Variants in AGBL4 observed in about 807,000 individuals in gnomAD.
AGBL4 encodes the protein cytosolic carboxypeptidase 6.
In AGBL4, 58 loss-of-function variants were observed where a neutral mutation model predicts 66.4. The observed-to-expected ratio is 0.87, with a 90% confidence interval of 0.71 to 1.09. The LOEUF (loss-of-function observed/expected upper bound fraction) is 1.09. Among genes scored for constraint, AGBL4 ranks in the 50% least tolerant of loss-of-function variants. The pLI is 0.00. For synonymous variants in AGBL4, 234 were observed against 222.9 expected, an observed-to-expected ratio of 1.05 and a Z score of -0.44; for missense variants, 579 against 631.0, an observed-to-expected ratio of 0.92 and a Z score of 0.88.
chr1:48,875,183 T>C (rs1649099926), intron 5 of AGBL4, among the ~76,000 whole-genome samples: 1 of 152,124 alleles, frequency 6.6e-6, no homozygotes, highest in African/African-American at 2.4e-5. Flanking sequence ...ATTTTAATTG[T>C]GGTAAGTGCT....
In AGBL4 at chr1:48,759,474, T is replaced by C. The variant is rs1644138696; in HGVS notation, c.635-96233A>G. 34 of 1,168,486 alleles carry C rather than the reference T, an allele frequency of 2.9e-5. 1 individual carries two copies. The South Asian group carries it at 5.2e-4, about 18-fold the overall frequency. The allele number at this position is 1,168,486 out of a possible 1,614,324, so 72.4% of individuals were successfully genotyped here. On this transcript the variant is annotated intron_variant, in intron 6 of 13. Coordinates refer to ENST00000371839, the MANE Select transcript of AGBL4 (RefSeq NM_032785.4). ...GGAAACATTTTATAAATTTTATAAATGGGGTTCCGAGTGGGGAAGGGGCTT... is the reference window on the plus strand; with the variant it reads ...GGAAACATTTTATAAATTTTATAAACGGGGTTCCGAGTGGGGAAGGGGCTT...
intron 6 of AGBL4, among the ~76,000 whole-genome samples, chr1:48,830,509 G>A (rs1341680408): frequency 6.6e-6 from 1 of 152,202 alleles, no homozygotes; most frequent in African/African-American, 2.4e-5. Context: ...TTGAGGTCAG[G>A]GGACCAATTC....
chr1:49,878,892 T>C (rs1647117967), intron 1 of AGBL4, among the ~76,000 whole-genome samples: 1 of 110,116 alleles, frequency 9.1e-6, no homozygotes, highest in African/African-American at 3.7e-5. Context: ...TCTTGTTGAA[T>C]TGATCCCTTT....
intron 6 of AGBL4, among the ~76,000 whole-genome samples, chr1:48,788,895 G>A (rs541851680): frequency 2.0e-5 from 3 of 152,272 alleles, no homozygotes; most frequent in Non-Finnish European, 4.4e-5. Flanking sequence ...AAAATGAAAC[G>A]CATATTTTAG....
intron 3 of AGBL4, among the ~76,000 whole-genome samples, chr1:49,350,352 C>T (rs1363806226): frequency 6.6e-6 from 1 of 151,232 alleles, no homozygotes; most frequent in East Asian, 1.9e-4. Context: ...TACAGGCGCC[C>T]GCCACTACGC....
intron 5 of AGBL4, among the ~76,000 whole-genome samples, chr1:48,948,456 CT>C (rs1223452395): frequency 6.6e-6 from 1 of 152,216 alleles, no homozygotes; most frequent in South Asian, 2.1e-4. Flanking sequence ...TTGCCATCTG[CT>C]TTCAGATTTC....
intron 3 of AGBL4, among the ~76,000 whole-genome samples, chr1:49,656,437 G>C (rs369815560): frequency 6.6e-6 from 1 of 152,124 alleles, no homozygotes; most frequent in Non-Finnish European, 1.5e-5. Flanking sequence ...ACAAGGAGGA[G>C]CTGGTACCAT....
rs569130924 is a variant in AGBL4, at chr1:49,939,226, T to G, written c.34+84537A>C. Among the ~76,000 whole-genome samples the G allele has an allele frequency of 4.2e-4, 63 of 150,784 alleles. No individual in the cohort carries two copies. In the South Asian group the frequency reaches 0.01, roughly 25 times the overall value. ...GAGGATACAAACAAATGGAAGAACA[T>G]TCCATGCTCATGGGTAGGAAGAATC... On this transcript the variant is annotated intron_variant, in intron 1 of 13. Coordinates refer to ENST00000371839, the MANE Select transcript of AGBL4 (RefSeq NM_032785.4).
At chr1:48,920,229 T>C (rs1653967030) in intron 5 of AGBL4, among the ~76,000 whole-genome samples, 1 of 152,198 alleles carries the variant, frequency 6.6e-6, no homozygotes, top group Non-Finnish European at 1.5e-5. Flanking sequence ...CCACATCCCT[T>C]TCCCTACTGA....
At chr1:49,550,783 C>T (rs945022471) in intron 3 of AGBL4, among the ~76,000 whole-genome samples, 5 of 152,010 alleles carry the variant, frequency 3.3e-5, no homozygotes, top group Admixed American at 2.6e-4. Flanking sequence ...TGTGCCTAGG[C>T]GATGATCTTT....
chr1:49,983,325 C>T (rs1026474609), intron 1 of AGBL4, among the ~76,000 whole-genome samples: 5 of 152,242 alleles, frequency 3.3e-5, no homozygotes, highest in Non-Finnish European at 7.3e-5. Flanking sequence ...CAGTGCCAGA[C>T]AAGGAAGCTG....
chr1:49,113,896 T>C (rs1003440198), intron 4 of AGBL4, among the ~76,000 whole-genome samples: 5 of 152,220 alleles, frequency 3.3e-5, no homozygotes, highest in Non-Finnish European at 7.3e-5. Context: ...CAAACCATGC[T>C]ATAAACAAAT....
chr1:49,937,009 T>C (rs986231789), intron 1 of AGBL4, among the ~76,000 whole-genome samples: 1 of 152,160 alleles, frequency 6.6e-6, no homozygotes, highest in Non-Finnish European at 1.5e-5. Context: ...TAAATGTAAA[T>C]GGACTAAATG....
chr1:49,157,848 T>G (rs1013130310), intron 4 of AGBL4, among the ~76,000 whole-genome samples: 4 of 152,236 alleles, frequency 2.6e-5, no homozygotes, highest in Non-Finnish European at 4.4e-5. Context: ...GAGCTTTTTT[T>G]CATATATTTC....
At chr1:48,806,935 T>C (rs899676483) in intron 6 of AGBL4, among the ~76,000 whole-genome samples, 6 of 53,724 alleles carry the variant, frequency 1.1e-4, no homozygotes, top group African/African-American at 4.4e-4. Context: ...TGCATATATG[T>C]GTGTGTGTGT....
rs1004262229 is a variant in AGBL4 at position 49,352,722 on chromosome 1, G to C, written c.283-106858C>G. Among the ~76,000 whole-genome samples the C allele has an allele frequency of 6.6e-5, 10 of 152,284 alleles. No individual in the cohort carries two copies. The East Asian group carries it at 1.9e-3, about 29-fold the overall frequency. ...CAGATAGAGGAATAATAAAAAGCTA[G>C]CATGTATTGACTGCCAACCACACAT... On this transcript the variant is annotated intron_variant, in intron 3 of 13. Coordinates refer to ENST00000371839, the MANE Select transcript of AGBL4 (RefSeq NM_032785.4).
At chr1:48,541,721 A>T (rs943753265) in intron 11 of AGBL4, among the ~76,000 whole-genome samples, 14 of 152,232 alleles carry the variant, frequency 9.2e-5, no homozygotes, top group Non-Finnish European at 4.4e-5. Context: ...GTGAGCCAGG[A>T]TCGCACCATT....
chr1:49,490,052 C>A (rs2148741552), intron 3 of AGBL4, among the ~76,000 whole-genome samples: 1 of 151,900 alleles, frequency 6.6e-6, no homozygotes, highest in South Asian at 2.1e-4. Context: ...TGTGTTCTGG[C>A]TAAAACCTCA....
chr1:48,623,714 C>T (rs1645453088), intron 9 of AGBL4, among the ~76,000 whole-genome samples: 1 of 152,228 alleles, frequency 6.6e-6, no homozygotes, highest in African/African-American at 2.4e-5. Context: ...TAAAATGTAA[C>T]CTGTACTCTG....
Sources: gnomAD v4.1 joint callset for allele counts (sites outside exome capture counted in the v4.1 genomes callset) on GRCh38, gnomAD v4.1.1 for gene constraint, MANE v1.5 for transcripts, NCBI Gene and HGNC (gene_info 2026-07-23, HGNC 2026-07-21) for gene names.